Variants in PACSIN1 observed in about 807,000 individuals in gnomAD.
The protein encoded by PACSIN1 is protein kinase C and casein kinase substrate in neurons 1.
Under a neutral mutation model 59.5 loss-of-function variants are expected in PACSIN1, and 15 were observed. The observed-to-expected ratio is 0.25, with a 90% CI of 0.17 to 0.39. PACSIN1 has a LOEUF of 0.39. Among genes scored for constraint, PACSIN1 ranks in the 10% least tolerant of loss-of-function variants. The probability of loss-of-function intolerance (pLI) is 1.00; values close to 1 mark genes in which losing one functional copy is unlikely to be tolerated. For missense variants in PACSIN1, 420 were observed against 580.2 expected (o/e 0.72, Z 2.84); for synonymous variants, 210 against 220.6 (o/e 0.95, Z 0.42).
At chr6:34,479,819 A>G (rs543109848) in intron 1 of PACSIN1, among the ~76,000 whole-genome samples, 3 of 149,978 alleles carry the variant, frequency 2.0e-5, no homozygotes, top group African/African-American at 7.4e-5. Context: ...TTTTATTTTT[A>G]ATTTTATTAT....
At chr6:34,486,547 A>T (rs1766797062) in intron 1 of PACSIN1, among the ~76,000 whole-genome samples, 2 of 152,148 alleles carry the variant, frequency 1.3e-5, no homozygotes, top group Admixed American at 1.3e-4. Flanking sequence ...ACTGGGGTCC[A>T]GACAGGGAAA....
chr6:34,506,982 G>A (rs996593043), intron 1 of PACSIN1, among the ~76,000 whole-genome samples: 6 of 152,276 alleles, frequency 3.9e-5, no homozygotes, highest in Non-Finnish European at 7.4e-5. Context: ...CCTCACAGGG[G>A]AGCATGGGCC....
At position 34,527,373 on chromosome 6, in the gene PACSIN1, C is replaced by A; in HGVS notation, c.105C>A (p.Gly35=). The A allele has an allele frequency of 6.3e-7, 1 of 1,596,812 alleles. No homozygotes were observed. The highest frequency in any genetic ancestry group is 8.5e-7 in the Non-Finnish European group (1 of 1,172,864). ...YKRTVKRIDD[G]HRLCNDLMNC... ...GGACCGTGAAGCGCATCGATGACGG[C>A]CACCGTCTATGCAACGACCTGATGA... The change falls in exon 3 of 10, where the codon GGC becomes GGA. Residue 35 remains glycine (G), a synonymous_variant. Coordinates refer to ENST00000244458, the MANE Select transcript of PACSIN1 (RefSeq NM_020804.5).
Position 34,529,919 on chromosome 6 carries a change from C to A in PACSIN1, c.788+78C>A. The stretch of plus-strand genomic sequence containing the variant: ...GACTGGCATGCAGGGCATCCCAGCC[C>A]TCCATCACAGTGACGGGAAGGGGAG... On this transcript the variant is annotated intron_variant, in intron 6 of 9. Coordinates refer to ENST00000244458, the MANE Select transcript of PACSIN1 (RefSeq NM_020804.5). This position sits in a 1 kb window ranked among gnomAD's most constrained non-coding sequence, Gnocchi z 6.3. 6.8e-7 allele frequency: 1 copy of A among 1,465,780 alleles called. No homozygotes were observed. The highest frequency in any genetic ancestry group is 2.4e-5 in the East Asian group (1 of 41,830). The allele number at this position is 1,465,780 out of a possible 1,614,324, so 90.8% of individuals were successfully genotyped here. A position where few individuals can be genotyped will look rare whatever the true frequency, so the allele number is the denominator to read the frequency against.
intron 1 of PACSIN1, among the ~76,000 whole-genome samples, chr6:34,489,158 T>C (rs1384932489): frequency 6.7e-6 from 1 of 148,546 alleles, no homozygotes; most frequent in African/African-American, 2.5e-5. Flanking sequence ...CACACCAGCC[T>C]GGGTGATAGA....
chr6:34,510,594 C>T (rs1320721667), intron 1 of PACSIN1, among the ~76,000 whole-genome samples: 2 of 152,218 alleles, frequency 1.3e-5, no homozygotes, highest in African/African-American at 4.8e-5. Flanking sequence ...AAACACTCTT[C>T]CTTCAAATCA....
intron 1 of PACSIN1, among the ~76,000 whole-genome samples, chr6:34,498,793 T>C (rs1766983200): frequency 1.0e-5 from 1 of 95,382 alleles, no homozygotes; most frequent in East Asian, 3.0e-4. Flanking sequence ...CAAGACTTTG[T>C]CTCAAAAAAA....
Position 34,532,626 on chromosome 6 carries a change from A to G in PACSIN1, c.*96A>G. On this transcript the variant is annotated 3_prime_UTR_variant, in exon 10 of 10. Coordinates refer to ENST00000244458, the MANE Select transcript of PACSIN1 (RefSeq NM_020804.5). The surrounding 1 kb of genome is among the most constrained non-coding windows in gnomAD (Gnocchi z 5.2). ...CCCCTCGCCATAGAGTTCCAGACAT[A>G]TTTTCCGATCAAGCTTTTATTTTTT... is the stretch of plus-strand genomic sequence containing the variant. The G allele has an allele frequency of 1.5e-6, 1 of 685,916 alleles. No individual in the cohort carries two copies. 42.5% of individuals were successfully genotyped at this position (685,916 alleles called of 1,614,324 possible).
intron 1 of PACSIN1, among the ~76,000 whole-genome samples, chr6:34,474,022 G>A (rs138844519): frequency 2.0e-4 from 31 of 152,216 alleles, no homozygotes; most frequent in Middle Eastern, 3.4e-3. Flanking sequence ...AAGTTCACAC[G>A]TTATGATTGG....
In PACSIN1 at chr6:34,508,107, T is replaced by C. The variant is rs1486443495; in HGVS notation, c.-63-18136T>C. On this transcript the variant is annotated intron_variant, in intron 1 of 9. Transcript: ENST00000244458. ...GATCGTATGGTAGTTCTTTTTTTGT[T>C]TGTTTGTTTGTTTGAGACGGAGTTT... Among the ~76,000 whole-genome samples the C allele has an allele frequency of 3.9e-5, 6 of 152,300 alleles. No homozygotes were observed. The South Asian group carries it at 8.3e-4, about 21-fold the overall frequency.
In PACSIN1 at chr6:34,526,288, T is replaced by C; in HGVS notation, c.-18T>C. 4 of 1,605,104 alleles carry C rather than the reference T, an allele frequency of 2.5e-6. No homozygotes were observed. Among genetic ancestry groups the C allele is most frequent in the Admixed American group, 1.7e-5 (1 of 59,898 alleles). ...CTAACCGCAGCTCCGCACTTGTCCA[T>C]CCCCCTGCGGCTACACCATGTCCAG... On this transcript the variant is annotated 5_prime_UTR_variant, in exon 2 of 10. Transcript: ENST00000244458.
intron 1 of PACSIN1, among the ~76,000 whole-genome samples, chr6:34,467,558 T>C (rs1766514182): frequency 7.0e-6 from 1 of 143,724 alleles, no homozygotes; most frequent in African/African-American, 2.6e-5. Context: ...CCTTCCTTTT[T>C]TTTTTTTTTT....
At chr6:34,497,838 T>C (rs1766970274) in intron 1 of PACSIN1, among the ~76,000 whole-genome samples, 1 of 152,126 alleles carries the variant, frequency 6.6e-6, no homozygotes, top group Admixed American at 6.5e-5. Flanking sequence ...GGGCCCAGTG[T>C]ATACCCTATT....
In PACSIN1 at chr6:34,515,397, G is replaced by A. The variant is rs570781205; in HGVS notation, c.-63-10846G>A. 5.3e-5 allele frequency among the ~76,000 whole-genome samples: 8 copies of A among 152,310 alleles called. No individual in the cohort carries two copies. The South Asian group carries it at 1.7e-3, about 32-fold the overall frequency. ...GCCGAGGGAGGCTGGAGCCTCCAGG[G>A]ACCCACAGTCTGAAGCTAGACAGGG... On this transcript the variant is annotated intron_variant, in intron 1 of 9. Coordinates refer to ENST00000244458, the MANE Select transcript of PACSIN1 (RefSeq NM_020804.5). The surrounding 1 kb of genome is among the most constrained non-coding windows in gnomAD (Gnocchi z 4.4).
intron 1 of PACSIN1, among the ~76,000 whole-genome samples, chr6:34,475,994 C>T (rs1180203983): frequency 2.0e-5 from 3 of 152,166 alleles, no homozygotes; most frequent in Non-Finnish European, 4.4e-5. Context: ...GTTTTACTCT[C>T]AAGCATTCAT....
chr6:34,485,482 G>A (rs1414188153), intron 1 of PACSIN1, among the ~76,000 whole-genome samples: 1 of 152,158 alleles, frequency 6.6e-6, no homozygotes, highest in Admixed American at 6.5e-5. Flanking sequence ...GGGGTGTGGG[G>A]TGAGGGAGAT....
At chr6:34,485,558 C>A (rs1003561883) in intron 1 of PACSIN1, among the ~76,000 whole-genome samples, 11 of 152,262 alleles carry the variant, frequency 7.2e-5, no homozygotes, top group Admixed American at 3.3e-4. Context: ...TTGGAGCAGG[C>A]TAGGGGGCAG....
chr6:34,506,254 G>A (rs559544661), intron 1 of PACSIN1, among the ~76,000 whole-genome samples: 1 of 152,026 alleles, frequency 6.6e-6, no homozygotes, highest in African/African-American at 2.4e-5. Flanking sequence ...ATCTTGCTCT[G>A]TTGCCCAGGC....
rs566828700 is a variant in PACSIN1, at chr6:34,516,847, C to G, written c.-63-9396C>G. On this transcript the variant is annotated intron_variant, in intron 1 of 9. Transcript: ENST00000244458. This position sits in a 1 kb window ranked among gnomAD's most constrained non-coding sequence, Gnocchi z 5.4. ...TGGAAGCCGGATTGAGACTTGACCT[C>G]CCCTGGCAGACCTTCTCATGTGAAA... 1.1e-3 allele frequency among the ~76,000 whole-genome samples: 174 copies of G among 152,296 alleles called. No individual in the cohort carries two copies. The highest frequency in any genetic ancestry group is 3.8e-3 in the African/African-American group (159 of 41,568).
Sources: allele counts gnomAD v4.1 joint callset (sites outside exome capture counted in the v4.1 genomes callset), GRCh38; gene constraint gnomAD v4.1.1; non-coding constraint Gnocchi (gnomAD v3.1); transcripts MANE v1.5; gene names NCBI Gene and HGNC (gene_info 2026-07-23, HGNC 2026-07-21).